The following CENATAC variants were observed in gnomAD, a reference collection of about 807,000 sequenced individuals.
CENATAC encodes the protein centrosomal AT-AC splicing factor.
A neutral mutation model predicts 53.7 loss-of-function variants in CENATAC; 53 were observed. The ratio of observed to expected loss-of-function variants is 0.99; its 90% CI spans 0.79 to 1.24. The LOEUF (loss-of-function observed/expected upper bound fraction) is 1.24. CENATAC is among the 50% of genes most tolerant of loss of function. The pLI is 0.00. For missense variants in CENATAC, 474 were observed against 417.8 expected, an observed-to-expected ratio of 1.13 and a Z score of -1.17; for synonymous variants, 156 against 144.6, an observed-to-expected ratio of 1.08 and a Z score of -0.57.
At chr11:119,008,250 C>T (rs111804650) in intron 3 of CENATAC, among the ~76,000 whole-genome samples, 11,662 of 152,152 alleles carry the variant, frequency 0.077, 574 homozygotes, top group South Asian at 0.23. Flanking sequence ...GGACCTGCAC[C>T]GGCACCGGCC....
rs540285942 is a variant in CENATAC, at chr11:119,002,573, A to G, written c.383+3464A>G. Reference sequence around the variant, plus strand: ...GGCTGGTCTTGAACTCCTGACCTCAAGTGATCCACCTGACTCGGCTTCCCA... The same window carrying G: ...GGCTGGTCTTGAACTCCTGACCTCAGGTGATCCACCTGACTCGGCTTCCCA... On this transcript the variant is annotated intron_variant, in intron 3 of 10. Coordinates refer to ENST00000334418, the MANE Select transcript of CENATAC (RefSeq NM_198489.3). Among the ~76,000 whole-genome samples, 6 of 152,060 alleles carry G rather than the reference A, an allele frequency of 3.9e-5. No homozygotes were observed. In the South Asian group the frequency reaches 1.2e-3, roughly 32 times the overall value.
At position 119,015,752 on chromosome 11, in the gene CENATAC, G is replaced by T; in HGVS notation, c.*154G>T. On this transcript the variant is annotated 3_prime_UTR_variant, in exon 11 of 11. Transcript: ENST00000334418. ...TTTTATTTTTCCAAATGTACAGCTG[G>T]TTGGACCTGTAAAAAAAAATTAAAA... is the stretch of plus-strand genomic sequence containing the variant. The T allele has an allele frequency of 8.0e-7, 1 of 1,248,630 alleles. No individual in the cohort carries two copies. The allele number at this position is 1,248,630 out of a possible 1,614,324, so 77.3% of individuals were successfully genotyped here.
chr11:118,999,616 A>T lies in CENATAC; in HGVS notation c.383+507A>T, dbSNP rs376289272. On this transcript the variant is annotated intron_variant, in intron 3 of 10. Transcript: ENST00000334418. ...TGGGATTACAGGCGCAAACCACCAC[A>T]CCTGGCTAATTTTTGTTTTTACGTT... Among the ~76,000 whole-genome samples, 4 of 151,338 alleles carry T rather than the reference A, an allele frequency of 2.6e-5. No homozygotes were observed. The South Asian group carries it at 6.3e-4, about 24-fold the overall frequency.
intron 3 of CENATAC, among the ~76,000 whole-genome samples, chr11:118,999,861 C>T (rs188249392): frequency 2.6e-5 from 4 of 152,324 alleles, no homozygotes; most frequent in Admixed American, 1.3e-4. Context: ...CCAGGATGGT[C>T]TCGATCTCCT....
chr11:119,008,280 TATTG>T (rs769499494), intron 3 of CENATAC, among the ~76,000 whole-genome samples: 1 of 152,216 alleles, frequency 6.6e-6, no homozygotes, highest in Non-Finnish European at 1.5e-5. Flanking sequence ...CCTCAGTTTT[TATTG>T]ATTATTATTT....
At position 118,998,573 on chromosome 11, in the gene CENATAC, G is replaced by A; in HGVS notation, c.264G>A (p.Gly88=). 1.3e-6 allele frequency: 2 copies of A among 1,569,430 alleles called. No individual in the cohort carries two copies. Among genetic ancestry groups the A allele is most frequent in the Non-Finnish European group, 8.6e-7 (1 of 1,156,452 alleles). ...GAAACCTGACGGTGCTGTACGGGGG[G>A]CTGCTGGAGCATCTGGCCAGGTGAG... ...SHGNLTVLYG[G]LLEHLASPEH... Residue 88 remains glycine (G), a synonymous_variant, in exon 2 of 11, where the codon GGG becomes GGA. Transcript: ENST00000334418.
Position 119,015,440 on chromosome 11 carries a change from G to T in CENATAC, c.938+1G>T. 5.0e-6 allele frequency: 8 copies of T among 1,614,072 alleles called. No homozygotes were observed. Among genetic ancestry groups the T allele is most frequent in the Non-Finnish European group, 6.8e-6 (8 of 1,179,914 alleles). Reference sequence around the variant, plus strand: ...ATAATGGACGCCGCTGGCAGTCCAGGTATGTGTGTTCAGTGCCGGGTCTCC... The same window carrying T: ...ATAATGGACGCCGCTGGCAGTCCAGTTATGTGTGTTCAGTGCCGGGTCTCC... On this transcript the variant is annotated splice_donor_variant, in intron 10 of 10. Transcript: ENST00000334418. LOFTEE classifies it high-confidence loss of function.
At position 119,015,050 on chromosome 11, in the gene CENATAC, A is replaced by G; in HGVS notation, c.772A>G (p.Ile258Val). The G allele has an allele frequency of 1.2e-6, 2 of 1,613,208 alleles. No individual in the cohort carries two copies. The highest frequency in any genetic ancestry group is 2.2e-5 in the East Asian group (1 of 44,886). ...DEEYIAGNQE[I>V]GPSYEEFLKE... ...AGAATACATTGCTGGGAACCAAGAA[A>G]TAGGACCATCCTATGAAGAATTTCT... Residue 258 changes from isoleucine to valine, a missense_variant, in exon 9 of 11, where the codon ATA (isoleucine) becomes GTA (valine). Physicochemically the swap from Ile to Val is conservative, Grantham distance 29 (BLOSUM62 3). Transcript: ENST00000334418.
Position 119,015,668 on chromosome 11 carries a change from A to T in CENATAC, c.*70A>T. 1.4e-6 allele frequency: 2 copies of T among 1,467,958 alleles called. No homozygotes were observed. Among genetic ancestry groups the T allele is most frequent in the South Asian group, 1.2e-5 (1 of 86,068 alleles). 90.9% of individuals were successfully genotyped at this position (1,467,958 alleles called of 1,614,324 possible). On this transcript the variant is annotated 3_prime_UTR_variant, in exon 11 of 11. Transcript: ENST00000334418. ...AAACCCCTATTATACCTTCCACCAA[A>T]TTCTTTATCATTGTCTTTCTTAGGA...
At chr11:119,006,515 G>T (rs1032155388) in intron 3 of CENATAC, among the ~76,000 whole-genome samples, 1 of 151,906 alleles carries the variant, frequency 6.6e-6, no homozygotes, top group Admixed American at 6.6e-5. Context: ...GATTACAGGC[G>T]TAAGCCACCA....
intron 7 of CENATAC, chr11:119,012,964 G>A (rs958200839): frequency 1.3e-5 from 5 of 395,290 alleles, no homozygotes; most frequent in African/African-American, 8.3e-5. Flanking sequence ...ATGCTGTGAG[G>A]GCAAGGTTTT....
In CENATAC at chr11:119,015,637, G is replaced by A; in HGVS notation, c.*39G>A. 6.2e-7 allele frequency: 1 copy of A among 1,600,810 alleles called. No individual in the cohort carries two copies. The highest frequency in any genetic ancestry group is 1.1e-5 in the South Asian group (1 of 90,780). ...CAACTACCATGAGGCTAAAAGCAAA[G>A]TCAACAAACCCCTATTATACCTTCC... On this transcript the variant is annotated 3_prime_UTR_variant, in exon 11 of 11. Coordinates refer to ENST00000334418, the MANE Select transcript of CENATAC (RefSeq NM_198489.3).
intron 7 of CENATAC, chr11:119,012,480 G>T (rs925062761): frequency 6.4e-6 from 3 of 469,034 alleles, no homozygotes; most frequent in African/African-American, 5.8e-5. Context: ...CTTGCCCTCT[G>T]TAGAACTCAT....
chr11:119,000,825 G>A (rs1181836218), intron 3 of CENATAC, among the ~76,000 whole-genome samples: 3 of 152,014 alleles, frequency 2.0e-5, no homozygotes, highest in African/African-American at 4.8e-5. Flanking sequence ...GGCTGGTCTC[G>A]AACTTCTGGG....
intron 3 of CENATAC, among the ~76,000 whole-genome samples, chr11:119,007,164 G>A (rs965235224): frequency 2.6e-5 from 4 of 152,044 alleles, no homozygotes; most frequent in African/African-American, 4.8e-5. Flanking sequence ...AGGAGATACC[G>A]GCAACCTAAA....
intron 4 of CENATAC, 109 bp downstream of exon 4, chr11:119,010,939 G>C: frequency 1.1e-6 from 1 of 908,554 alleles, no homozygotes; most frequent in Non-Finnish European, 1.7e-6. Flanking sequence ...GAATGAGACT[G>C]CTCCACCTCA....
intron 3 of CENATAC, chr11:119,003,016 A>G: frequency 3.8e-6 from 2 of 520,152 alleles, no homozygotes; most frequent in Non-Finnish European, 7.6e-6. Flanking sequence ...CTCAGTTGAG[A>G]TGATCCCTAT....
chr11:119,008,991 G>T (rs1280319142), intron 3 of CENATAC, among the ~76,000 whole-genome samples: 1 of 147,974 alleles, frequency 6.8e-6, no homozygotes. Flanking sequence ...GGGTCAAAGT[G>T]GCTGGGACAA....
At position 119,010,747 on chromosome 11, in the gene CENATAC, G is replaced by A; in HGVS notation, c.384-17G>A. The A allele has an allele frequency of 6.2e-7, 1 of 1,613,518 alleles. No homozygotes were observed. Among genetic ancestry groups the A allele is most frequent in the Non-Finnish European group, 8.5e-7 (1 of 1,179,508 alleles). ...TGGGGAATGGGTTCTGGGTGGTTTT[G>A]CCCCTTTTCTTTTTAGATTCAAGAA... On this transcript the variant is annotated splice_polypyrimidine_tract_variant and intron_variant, in intron 3 of 10. Transcript: ENST00000334418.
Sources: allele counts gnomAD v4.1 joint callset (sites outside exome capture counted in the v4.1 genomes callset), GRCh38; gene constraint gnomAD v4.1.1; transcripts MANE v1.5; gene names NCBI Gene and HGNC (gene_info 2026-07-23, HGNC 2026-07-21).